CRYL1: variants seen among roughly 807,000 people sequenced by gnomAD.
CRYL1 encodes lambda-crystallin homolog.
Under a neutral mutation model 36.6 loss-of-function variants are expected in CRYL1, and 29 were observed. That is an observed-to-expected ratio of 0.79 (90% CI 0.59 to 1.08). The LOEUF is 1.08. Ranked by LOEUF, CRYL1 falls within the 50% of genes least tolerant of loss-of-function variation. CRYL1 has a pLI of 0.00. For synonymous variants in CRYL1, 152 were observed against 151.5 expected, an observed-to-expected ratio of 1.00 and a Z score of -0.02; for missense variants, 411 against 407.9, an observed-to-expected ratio of 1.01 and a Z score of -0.06.
intron 3 of CRYL1, among the ~76,000 whole-genome samples, chr13:20,469,324 A>G (rs1241788688): frequency 1.3e-5 from 2 of 152,224 alleles, no homozygotes; most frequent in African/African-American, 4.8e-5. Flanking sequence ...ATTTACTTTC[A>G]TCTTTCTTCT....
chr13:20,427,314 G>A (rs2031954622), intron 5 of CRYL1: 2 of 985,232 alleles, frequency 2.0e-6, no homozygotes, highest in African/African-American at 3.5e-5. Context: ...AACTGGAAGA[G>A]AAACAAAACG....
intron 2 of CRYL1, among the ~76,000 whole-genome samples, chr13:20,500,575 A>T (rs769803565): frequency 2.0e-5 from 3 of 152,192 alleles, no homozygotes; most frequent in Non-Finnish European, 4.4e-5. Flanking sequence ...CTTATTTTGC[A>T]GGTAGATTGG....
chr13:20,417,408 A>C (rs949861402), intron 5 of CRYL1, among the ~76,000 whole-genome samples: 1 of 152,220 alleles, frequency 6.6e-6, no homozygotes, highest in African/African-American at 2.4e-5. Flanking sequence ...CGGGCAACAC[A>C]GCTGTGCGGA....
intron 1 of CRYL1, among the ~76,000 whole-genome samples, chr13:20,524,280 T>C (rs967564881): frequency 6.6e-6 from 1 of 152,134 alleles, no homozygotes; most frequent in Non-Finnish European, 1.5e-5. Context: ...ACTGTGTGTG[T>C]ATATATATGT....
chr13:20,508,856 A>AAAAC (rs1029968813), intron 2 of CRYL1, among the ~76,000 whole-genome samples: 2 of 14,926 alleles, frequency 1.3e-4, no homozygotes, highest in African/African-American at 1.6e-4. Flanking sequence ...TCCAAAAAAA[A>AAAAC]AAAAAAAAAA....
chr13:20,524,230 T>TTGTG (rs766665652), intron 1 of CRYL1, among the ~76,000 whole-genome samples: 3 of 152,128 alleles, frequency 2.0e-5, no homozygotes, highest in African/African-American at 7.2e-5. Context: ...CCTATTAAAA[T>TTGTG]TGTGTGTGTG....
At chr13:20,440,804 A>C (rs2032333250) in intron 3 of CRYL1, among the ~76,000 whole-genome samples, 1 of 152,192 alleles carries the variant, frequency 6.6e-6, no homozygotes, top group African/African-American at 2.4e-5. Flanking sequence ...AACTACATTA[A>C]TCGGGGTAGG....
intron 2 of CRYL1, among the ~76,000 whole-genome samples, chr13:20,499,806 T>C (rs1350390075): frequency 6.6e-6 from 1 of 152,234 alleles, no homozygotes; most frequent in Non-Finnish European, 1.5e-5. Flanking sequence ...GTAATAATTA[T>C]GATTTTCATG....
intron 5 of CRYL1, among the ~76,000 whole-genome samples, chr13:20,419,643 C>T (rs1444116382): frequency 1.3e-5 from 2 of 152,114 alleles, no homozygotes; most frequent in African/African-American, 4.8e-5. Flanking sequence ...TCAGACTGGT[C>T]TCAAACTCCT....
At chr13:20,484,955 T>G (rs996008706) in intron 3 of CRYL1, among the ~76,000 whole-genome samples, 5 of 152,166 alleles carry the variant, frequency 3.3e-5, no homozygotes, top group African/African-American at 1.2e-4. Context: ...GGTTTCACTC[T>G]GGGGGTTTCA....
At position 20,432,230 on chromosome 13, in the gene CRYL1, C is replaced by G. The variant is rs2032082113; in HGVS notation, c.505G>C (p.Val169Leu). The G allele has an allele frequency of 1.9e-6, 3 of 1,613,896 alleles. No homozygotes were observed. The highest frequency in any genetic ancestry group is 2.5e-6 in the Non-Finnish European group (3 of 1,179,992). The stretch of plus-strand genomic sequence containing the variant: ...TTCATCAGGGCGTGGGTTCTGTCCA[C>G]TGTCGTAGGGGCCGTCTCCGGGTGG... ...VPHPETAPTTVDRTHALMKKI... is the reference protein window; with the variant it reads ...VPHPETAPTTLDRTHALMKKI... The change falls in exon 5 of 8, where the codon GTG becomes CTG. Residue 169 changes from valine to leucine, a missense_variant. Val to Leu is a conservative substitution (Grantham distance 32). Coordinates refer to ENST00000298248, the MANE Select transcript of CRYL1 (RefSeq NM_015974.3).
At chr13:20,420,338 T>A (rs959373002) in intron 5 of CRYL1, among the ~76,000 whole-genome samples, 1 of 150,470 alleles carries the variant, frequency 6.6e-6, no homozygotes, top group African/African-American at 2.4e-5. Flanking sequence ...GAGAGGCGGG[T>A]CTCCCCTCTG....
intron 1 of CRYL1, among the ~76,000 whole-genome samples, chr13:20,516,272 AT>A (rs1184459601): frequency 1.3e-5 from 2 of 151,704 alleles, no homozygotes; most frequent in Non-Finnish European, 2.9e-5. Context: ...TTTAAAAAAT[AT>A]TTTTTTAAAA....
chr13:20,473,937 A>G (rs1462663021), intron 3 of CRYL1, among the ~76,000 whole-genome samples: 1 of 152,230 alleles, frequency 6.6e-6, no homozygotes, highest in East Asian at 1.9e-4. Flanking sequence ...TGAATCGGGT[A>G]TAAGTAACAG....
chr13:20,482,626 G>A (rs1416426000), intron 3 of CRYL1, among the ~76,000 whole-genome samples: 1 of 152,372 alleles, frequency 6.6e-6, no homozygotes, highest in Admixed American at 6.5e-5. Flanking sequence ...CTAGGGTTGG[G>A]TAGAAAACAA....
At chr13:20,446,113 T>A (rs562577636) in intron 3 of CRYL1, among the ~76,000 whole-genome samples, 91 of 152,280 alleles carry the variant, frequency 6.0e-4, no homozygotes, top group Non-Finnish European at 9.7e-4. Context: ...ATTATTTATT[T>A]TTTATTTATT....
chr13:20,490,237 G>A (rs920211674), intron 2 of CRYL1, among the ~76,000 whole-genome samples: 5 of 152,012 alleles, frequency 3.3e-5, no homozygotes, highest in Admixed American at 1.3e-4. Context: ...CTAAAAATAC[G>A]AAAAATTAGC....
intron 3 of CRYL1, among the ~76,000 whole-genome samples, chr13:20,467,527 T>C (rs2032963624): frequency 6.6e-6 from 1 of 152,132 alleles, no homozygotes; most frequent in Non-Finnish European, 1.5e-5. Flanking sequence ...GAGGTTCACT[T>C]TTAAAATATC....
chr13:20,461,156 A>G (rs1226149041), intron 3 of CRYL1, among the ~76,000 whole-genome samples: 1 of 152,014 alleles, frequency 6.6e-6, no homozygotes, highest in Non-Finnish European at 1.5e-5. Context: ...TGGTTCCTAT[A>G]TTTTGCCCAT....
Sources: allele counts gnomAD v4.1 joint callset (sites outside exome capture counted in the v4.1 genomes callset), GRCh38; gene constraint gnomAD v4.1.1; transcripts MANE v1.5; gene names NCBI Gene and HGNC (gene_info 2026-07-23, HGNC 2026-07-21).